Variants in MKLN1 observed in about 807,000 individuals in gnomAD.
The protein encoded by MKLN1 is muskelin.
In MKLN1, 18 loss-of-function variants were observed where a neutral mutation model predicts 99.0. That is an observed-to-expected ratio of 0.18 (90% CI 0.13 to 0.27). The LOEUF (loss-of-function observed/expected upper bound fraction) is 0.27, where lower values mean the gene tolerates loss of function less well. MKLN1 is among the 10% of genes least tolerant of loss of function. The pLI, the probability that MKLN1 is intolerant of heterozygous loss-of-function variation, is 1.00. For missense variants in MKLN1, 621 were observed against 875.9 expected (o/e 0.71, Z 3.67); for synonymous variants, 288 against 293.2 (o/e 0.98, Z 0.18).
chr7:131,317,852 G>A (rs996164209), intron 3 of MKLN1, among the ~76,000 whole-genome samples: 1 of 150,004 alleles, frequency 6.7e-6, no homozygotes, highest in East Asian at 2.0e-4. Flanking sequence ...AAAAAGACAA[G>A]GGCATTACAG....
chr7:131,291,101 TTTTA>T (rs58711955), intron 3 of MKLN1, among the ~76,000 whole-genome samples: 16,924 of 134,602 alleles, frequency 0.13, 1,147 homozygotes, highest in South Asian at 0.18. Flanking sequence ...TCTCATTTTA[TTTTA>T]TTTATTTATT....
At chr7:131,431,530 A>G (rs539629474) in intron 9 of MKLN1, among the ~76,000 whole-genome samples, 2 of 152,218 alleles carry the variant, frequency 1.3e-5, no homozygotes, top group African/African-American at 4.8e-5. Context: ...TCTGTTTTAT[A>G]TAGGCTAGCC....
intron 2 of MKLN1, among the ~76,000 whole-genome samples, chr7:131,385,744 G>A (rs1793992911): frequency 6.6e-6 from 1 of 151,550 alleles, no homozygotes; most frequent in East Asian, 1.9e-4. Flanking sequence ...AAATTGTAGG[G>A]GCATTTTTAA....
chr7:131,413,972 TAAG>T (rs1188706172), intron 7 of MKLN1, among the ~76,000 whole-genome samples: 1 of 152,200 alleles, frequency 6.6e-6, no homozygotes, highest in South Asian at 2.1e-4. Flanking sequence ...GTGATGGAAA[TAAG>T]AATCAAAGTG....
rs1019471269 is a variant in MKLN1, at chr7:131,495,837, C to T, written c.*8109C>T. The T allele has an allele frequency of 2.0e-5, 3 of 152,116 alleles. No homozygotes were observed. The highest frequency in any genetic ancestry group is 4.4e-5 in the Non-Finnish European group (3 of 68,020). The allele number at this position is 152,116 out of a possible 1,614,324, so 9.4% of individuals were successfully genotyped here. On this transcript the variant is annotated 3_prime_UTR_variant, in exon 18 of 18. Transcript: ENST00000352689. ...GTCATTGGAAATTTCAACCCTAAGA[C>T]TCATTGGAATTTCTAAGTCCGTTAT...
chr7:131,324,430 A>G (rs1310416577), upstream of MKLN1: 1 of 152,324 alleles, frequency 6.6e-6, no homozygotes, highest in Admixed American at 6.5e-5. Context: ...TTTTACCTAA[A>G]AGGAAGAAGC....
intron 3 of MKLN1, among the ~76,000 whole-genome samples, chr7:131,301,546 C>T (rs62472030): frequency 0.071 from 10,875 of 152,186 alleles, 526 homozygotes; most frequent in Middle Eastern, 0.14. Flanking sequence ...GGAAGGCAAA[C>T]GTCAATTGTC....
intron 1 of MKLN1, among the ~76,000 whole-genome samples, chr7:131,370,084 G>A (rs1338485965): frequency 2.6e-5 from 4 of 152,138 alleles, no homozygotes; most frequent in East Asian, 1.9e-4. Context: ...GTGATCCGCC[G>A]GCTTCGGCCT....
At chr7:131,114,253 C>G (rs1795241022) in intron 1 of MKLN1, among the ~76,000 whole-genome samples, 1 of 152,066 alleles carries the variant, frequency 6.6e-6, no homozygotes, top group African/African-American at 2.4e-5. Flanking sequence ...TCCTGAGGTC[C>G]AAGATAGGGA....
chr7:131,185,847 G>A (rs377082061), intron 2 of MKLN1, among the ~76,000 whole-genome samples: 2 of 152,254 alleles, frequency 1.3e-5, no homozygotes, highest in East Asian at 1.9e-4. Flanking sequence ...GGCCTAGCAC[G>A]TATTTTGTAC....
chr7:131,423,008 A>ATAGT (rs1795252737), intron 8 of MKLN1, among the ~76,000 whole-genome samples: 6 of 152,232 alleles, frequency 3.9e-5, no homozygotes, highest in Non-Finnish European at 5.9e-5. Context: ...TGGGAAAAGA[A>ATAGT]CAGTGAATAG....
At chr7:131,418,568 GA>G (rs1795095988) in intron 8 of MKLN1, among the ~76,000 whole-genome samples, 1 of 152,160 alleles carries the variant, frequency 6.6e-6, no homozygotes, top group South Asian at 2.1e-4. Flanking sequence ...GGGCCACATT[GA>G]AAGCCATCCT....
At chr7:131,138,195 T>C (rs1006997603) in intron 1 of MKLN1, among the ~76,000 whole-genome samples, 15 of 152,086 alleles carry the variant, frequency 9.9e-5, no homozygotes, top group African/African-American at 3.1e-4. Flanking sequence ...CCTCCCAAAG[T>C]GCTGGGATTA....
chr7:131,357,005 C>T (rs1799904901), intron 1 of MKLN1, among the ~76,000 whole-genome samples: 2 of 152,122 alleles, frequency 1.3e-5, no homozygotes, highest in Non-Finnish European at 2.9e-5. Context: ...GGAAGAGGAC[C>T]AAGTGAGTGA....
chr7:131,181,380 A>G (rs1046481807), intron 2 of MKLN1, among the ~76,000 whole-genome samples: 8 of 152,230 alleles, frequency 5.3e-5, no homozygotes, highest in Non-Finnish European at 1.0e-4. Flanking sequence ...ATTTAGTATG[A>G]GTTTAATGTT....
In MKLN1 at chr7:131,203,445, G is replaced by T. The variant is rs532335685; in HGVS notation, c.-179+471G>T. On this transcript the variant is annotated intron_variant, in intron 3 of 7. Coordinates refer to the MKLN1 transcript ENST00000416992. Reference sequence around the variant, plus strand: ...GAAATTTTCCCTGTGGGCAATTGGGGAAAACAAAAATATTTTTGTGCTGCG... The same window carrying T: ...GAAATTTTCCCTGTGGGCAATTGGGTAAAACAAAAATATTTTTGTGCTGCG... Among the ~76,000 whole-genome samples, 4 of 152,230 alleles carry T rather than the reference G, an allele frequency of 2.6e-5. No individual in the cohort carries two copies. In the East Asian group the frequency reaches 7.7e-4, roughly 29 times the overall value.
intron 3 of MKLN1, chr7:131,310,649 T>C (rs1227503960): frequency 6.6e-6 from 1 of 152,232 alleles, no homozygotes; most frequent in Non-Finnish European, 1.5e-5. Context: ...GGCCAGTCTT[T>C]CCAAGAGGCT....
In MKLN1 at chr7:131,489,680, C is replaced by A. The variant is rs1459591599; in HGVS notation, c.*1952C>A. On this transcript the variant is annotated 3_prime_UTR_variant, in exon 18 of 18. Transcript: ENST00000352689. ...AGATTAAGCAAGTGAAATTCTGCTGCCCTCCACCATTTATTTTTACAGTGC... is the reference window on the plus strand; with the variant it reads ...AGATTAAGCAAGTGAAATTCTGCTGACCTCCACCATTTATTTTTACAGTGC... 1.3e-5 allele frequency: 2 copies of A among 152,106 alleles called. No individual in the cohort carries two copies. Among genetic ancestry groups the A allele is most frequent in the African/African-American group, 4.8e-5 (2 of 41,440 alleles). 9.4% of individuals were successfully genotyped at this position (152,106 alleles called of 1,614,324 possible). A position where few individuals can be genotyped will look rare whatever the true frequency, so the allele number is the denominator to read the frequency against.
At chr7:131,260,767 C>G (rs1293795479) in intron 3 of MKLN1, among the ~76,000 whole-genome samples, 2 of 152,028 alleles carry the variant, frequency 1.3e-5, no homozygotes, top group African/African-American at 4.8e-5. Context: ...GCTACAATAA[C>G]CAAAACAGCA....
Sources: allele counts gnomAD v4.1 joint callset (sites outside exome capture counted in the v4.1 genomes callset), GRCh38; gene constraint gnomAD v4.1.1; transcripts MANE v1.5; gene names NCBI Gene and HGNC (gene_info 2026-07-23, HGNC 2026-07-21).